SLC25A21: variants seen among roughly 807,000 people sequenced by gnomAD.
SLC25A21 encodes mitochondrial 2-oxodicarboxylate carrier.
Under a neutral mutation model 43.8 loss-of-function variants are expected in SLC25A21, and 47 were observed. That is an observed-to-expected ratio of 1.07 (90% CI 0.85 to 1.37). The LOEUF is 1.37. Among genes scored for constraint, SLC25A21 ranks in the 40% most tolerant of loss-of-function variants. SLC25A21 has a pLI of 0.00. For synonymous variants in SLC25A21, 131 were observed against 121.3 expected (o/e 1.08, Z -0.52); for missense variants, 352 against 350.2 (o/e 1.00, Z -0.04).
chr14:37,051,370 C>G (rs887511322), intron 1 of SLC25A21, among the ~76,000 whole-genome samples: 2 of 152,156 alleles, frequency 1.3e-5, no homozygotes, highest in Non-Finnish European at 2.9e-5. Context: ...CATGAATGTA[C>G]TGGCTTCAGT....
intron 1 of SLC25A21, among the ~76,000 whole-genome samples, chr14:37,013,776 T>A (rs1594752419): frequency 6.6e-6 from 1 of 152,100 alleles, no homozygotes; most frequent in Non-Finnish European, 1.5e-5. Flanking sequence ...CCTTCTTTTC[T>A]TTACTTTTTA....
intron 1 of SLC25A21, among the ~76,000 whole-genome samples, chr14:37,091,441 A>C (rs1302729157): frequency 6.6e-6 from 1 of 152,124 alleles, no homozygotes; most frequent in African/African-American, 2.4e-5. Flanking sequence ...CTCAAAAAAA[A>C]AAAAAAGCAA....
At chr14:37,053,279 A>G (rs1961750721) in intron 1 of SLC25A21, among the ~76,000 whole-genome samples, 2 of 152,208 alleles carry the variant, frequency 1.3e-5, no homozygotes, top group Admixed American at 6.5e-5. Flanking sequence ...CCAATAAGCC[A>G]TTACTGACAT....
chr14:37,120,015 C>T (rs1963178630), intron 1 of SLC25A21, among the ~76,000 whole-genome samples: 2 of 152,012 alleles, frequency 1.3e-5, no homozygotes, highest in Non-Finnish European at 2.9e-5. Context: ...TTCTGTGAAT[C>T]TATCAAAAGA....
intron 1 of SLC25A21, among the ~76,000 whole-genome samples, chr14:36,976,201 G>A (rs972068235): frequency 2.0e-5 from 3 of 152,134 alleles, no homozygotes; most frequent in Admixed American, 1.3e-4. Context: ...TGCAGCATAG[G>A]AGAGAAGGAA....
intron 1 of SLC25A21, among the ~76,000 whole-genome samples, chr14:37,147,331 G>A (rs1054133463): frequency 2.6e-5 from 4 of 152,170 alleles, no homozygotes; most frequent in Non-Finnish European, 5.9e-5. Context: ...TGAAAGAAAT[G>A]TCAAAAATTC....
chr14:36,882,927 G>C (rs897404345), intron 1 of SLC25A21, among the ~76,000 whole-genome samples: 1 of 151,798 alleles, frequency 6.6e-6, no homozygotes, highest in Admixed American at 6.6e-5. Context: ...AAATCTCTTT[G>C]ACTCTACTTC....
At chr14:36,693,808 T>G (rs1480425538) in intron 7 of SLC25A21, among the ~76,000 whole-genome samples, 1 of 152,042 alleles carries the variant, frequency 6.6e-6, no homozygotes, top group African/African-American at 2.4e-5. Context: ...AATTTTTTAA[T>G]TTAAAAAAAA....
intron 1 of SLC25A21, among the ~76,000 whole-genome samples, chr14:37,043,244 T>C (rs1961512482): frequency 6.6e-6 from 1 of 152,220 alleles, no homozygotes. Context: ...AGTTGTACTC[T>C]TCTGTAATCC....
intron 2 of SLC25A21, among the ~76,000 whole-genome samples, chr14:36,842,913 G>A (rs560592630): frequency 1.3e-5 from 2 of 152,248 alleles, no homozygotes; most frequent in South Asian, 2.1e-4. Context: ...TATGGATGGG[G>A]TGGAGGGTGG....
intron 3 of SLC25A21, among the ~76,000 whole-genome samples, chr14:36,769,119 AG>A (rs1275046824): frequency 6.6e-6 from 1 of 152,194 alleles, no homozygotes; most frequent in Admixed American, 6.5e-5. Flanking sequence ...GCTGTGGATA[AG>A]GGACATAGGT....
At chr14:36,937,567 T>C (rs959589371) in intron 1 of SLC25A21, among the ~76,000 whole-genome samples, 7 of 152,192 alleles carry the variant, frequency 4.6e-5, no homozygotes, top group Non-Finnish European at 1.0e-4. Context: ...TGCCTGGCAT[T>C]GCTCAAGATG....
intron 1 of SLC25A21, among the ~76,000 whole-genome samples, chr14:37,080,514 C>A (rs1232193333): frequency 1.3e-5 from 2 of 152,108 alleles, no homozygotes; most frequent in Admixed American, 6.6e-5. Flanking sequence ...GTGGGAGGAT[C>A]GCCTGAGCCC....
chr14:37,136,453 TG>T (rs2138913391), intron 1 of SLC25A21, among the ~76,000 whole-genome samples: 1 of 152,328 alleles, frequency 6.6e-6, no homozygotes, highest in South Asian at 2.1e-4. Context: ...ATTAAAGACA[TG>T]GATATTCCTA....
At chr14:37,049,347 G>A (rs976961125) in intron 1 of SLC25A21, among the ~76,000 whole-genome samples, 1 of 152,162 alleles carries the variant, frequency 6.6e-6, no homozygotes, top group African/African-American at 2.4e-5. Context: ...CAAGGTGGGA[G>A]GATGGCTTGA....
chr14:36,696,164 A>G (rs1883015038), intron 7 of SLC25A21, among the ~76,000 whole-genome samples: 2 of 152,190 alleles, frequency 1.3e-5, no homozygotes, highest in Admixed American at 1.3e-4. Context: ...TATTGAGATA[A>G]TCATGTGGTT....
chr14:36,877,392 A>G (rs1890568181), intron 1 of SLC25A21, among the ~76,000 whole-genome samples: 1 of 152,236 alleles, frequency 6.6e-6, no homozygotes, highest in Non-Finnish European at 1.5e-5. Flanking sequence ...GGTAGTAAAC[A>G]GATAATAGAT....
intron 1 of SLC25A21, among the ~76,000 whole-genome samples, chr14:37,057,873 G>C (rs1487400663): frequency 6.6e-6 from 1 of 151,988 alleles, no homozygotes; most frequent in East Asian, 1.9e-4. Flanking sequence ...TTAATATCTA[G>C]AACACAAATA....
chr14:36,773,703 A>C (rs368742028), intron 3 of SLC25A21, among the ~76,000 whole-genome samples: 1 of 152,194 alleles, frequency 6.6e-6, no homozygotes, highest in African/African-American at 2.4e-5. Flanking sequence ...CTTAATCCTC[A>C]TGATAACCCT....
Sources: allele counts gnomAD v4.1 joint callset (sites outside exome capture counted in the v4.1 genomes callset), GRCh38; gene constraint gnomAD v4.1.1; transcripts MANE v1.5; gene names NCBI Gene and HGNC (gene_info 2026-07-23, HGNC 2026-07-21).